Variants in ESCO2 observed in about 807,000 individuals in gnomAD.
The protein encoded by ESCO2 is N-acetyltransferase ESCO2.
ESCO2 carries 51 observed loss-of-function variants against 61.7 expected under a neutral mutation model. The ratio of observed to expected loss-of-function variants is 0.83; its 90% confidence interval spans 0.66 to 1.04. The LOEUF (loss-of-function observed/expected upper bound fraction) is 1.04, where lower values mean the gene tolerates loss of function less well. Ranked by LOEUF, ESCO2 falls within the 50% of genes least tolerant of loss-of-function variation. ESCO2 has a pLI of 0.00. For synonymous variants in ESCO2, 230 were observed against 238.2 expected (o/e 0.97, Z 0.32); for missense variants, 692 against 686.2 (o/e 1.01, Z -0.09).
chr8:27,783,237 T>C (rs1804964220), intron 4 of ESCO2, among the ~76,000 whole-genome samples: 1 of 152,214 alleles, frequency 6.6e-6, no homozygotes, highest in African/African-American at 2.4e-5. Context: ...TATATATCCT[T>C]TGGGGTCTGG....
chr8:27,772,191 A>G, upstream of ESCO2: 2 of 460,776 alleles, frequency 4.3e-6, no homozygotes, highest in South Asian at 6.1e-5. Flanking sequence ...ACTTGGGATA[A>G]GGTGTGTGGA....
At chr8:27,802,687 G>A (rs1262396286) in intron 10 of ESCO2, among the ~76,000 whole-genome samples, 11 of 114,096 alleles carry the variant, frequency 9.6e-5, no homozygotes, top group Non-Finnish European at 1.6e-4. Context: ...TACTGCTTAA[G>A]ATTGATTTTT....
chr8:27,772,647 T>G, upstream of ESCO2: 1 of 1,110,062 alleles, frequency 9.0e-7, no homozygotes, highest in South Asian at 1.5e-5. Context: ...AACTCCTCCG[T>G]GCACTTCCGG....
chr8:27,817,468 T>G (rs1805840357), downstream of ESCO2, among the ~76,000 whole-genome samples: 5 of 152,156 alleles, frequency 3.3e-5, no homozygotes. Flanking sequence ...CCTTGCAGAT[T>G]TAATGTGTTA....
At chr8:27,781,067 A>G (rs1804916341) in intron 4 of ESCO2, among the ~76,000 whole-genome samples, 1 of 152,204 alleles carries the variant, frequency 6.6e-6, no homozygotes, top group Admixed American at 6.5e-5. Flanking sequence ...GTCTAAGTCA[A>G]TTTAAAGAAA....
At chr8:27,808,525 A>T (rs929099278), downstream of ESCO2, among the ~76,000 whole-genome samples, 44 of 151,928 alleles carry the variant, frequency 2.9e-4, no homozygotes, top group East Asian at 7.4e-3. Context: ...AATAAAAAAA[A>T]AAAAATTAGC....
At chr8:27,811,222 CAAGTA>C, downstream of ESCO2, 1 of 1,103,132 alleles carries the variant, frequency 9.1e-7, no homozygotes, top group Non-Finnish European at 1.4e-6. Flanking sequence ...ACGATTTGAA[CAAGTA>C]GTTCACAGGT....
chr8:27,816,342 A>ATATATATATATAT (rs1454225542), downstream of ESCO2, among the ~76,000 whole-genome samples: 3 of 124,886 alleles, frequency 2.4e-5, no homozygotes, highest in African/African-American at 3.4e-5. Context: ...TTCATCGAAT[A>ATATATATATATAT]CTATATATAT....
At chr8:27,810,004 GTCAT>G (rs1805638390), downstream of ESCO2, 1 of 302,070 alleles carries the variant, frequency 3.3e-6, no homozygotes, top group Non-Finnish European at 6.1e-6. Flanking sequence ...AAAAGTAATG[GTCAT>G]TCAATTTAAT....
chr8:27,789,502 G>A (rs1384369213), intron 7 of ESCO2, among the ~76,000 whole-genome samples: 9 of 152,120 alleles, frequency 5.9e-5, no homozygotes, highest in African/African-American at 1.7e-4. Context: ...AGTCTAGGCC[G>A]GGTGCAGTGA....
intron 9 of ESCO2, among the ~76,000 whole-genome samples, chr8:27,796,472 T>C (rs1057313565): frequency 6.6e-6 from 1 of 152,200 alleles, no homozygotes; most frequent in Non-Finnish European, 1.5e-5. Context: ...TATTCTTCTT[T>C]TTCTAATTAT....
At chr8:27,780,702 T>C (rs1158055684) in intron 4 of ESCO2, among the ~76,000 whole-genome samples, 1 of 152,232 alleles carries the variant, frequency 6.6e-6, no homozygotes, top group Non-Finnish European at 1.5e-5. Flanking sequence ...CCATGGATTT[T>C]TGTCTAGGTT....
chr8:27,772,362 C>A (rs1482892135), upstream of ESCO2: 4 of 723,340 alleles, frequency 5.5e-6, no homozygotes, highest in Non-Finnish European at 9.5e-6. Flanking sequence ...GTGGGAGGGA[C>A]GGATGTGCTG....
chr8:27,806,652 T>C (rs1215156960), downstream of ESCO2, among the ~76,000 whole-genome samples: 3 of 151,464 alleles, frequency 2.0e-5, no homozygotes, highest in African/African-American at 7.3e-5. Flanking sequence ...GGAGTTTTGC[T>C]CTTGTTGCCC....
chr8:27,809,015 G>A (rs1805618271), downstream of ESCO2, among the ~76,000 whole-genome samples: 2 of 152,182 alleles, frequency 1.3e-5, no homozygotes, highest in African/African-American at 4.8e-5. Flanking sequence ...TCAATGAAAA[G>A]CAATGGCTTA....
chr8:27,804,422 C>A lies in ESCO2; in HGVS notation c.*984C>A. 1 of 985,282 alleles carries A rather than the reference C, an allele frequency of 1.0e-6. No homozygotes were observed. Among genetic ancestry groups the A allele is most frequent in the Non-Finnish European group, 1.2e-6 (1 of 829,908 alleles). The allele number at this position is 985,282 out of a possible 1,614,324, so 61.0% of individuals were successfully genotyped here. A position where few individuals can be genotyped will look rare whatever the true frequency, so the allele number is the denominator to read the frequency against. On this transcript the variant is annotated 3_prime_UTR_variant, in exon 11 of 11. Coordinates refer to ENST00000305188, the MANE Select transcript of ESCO2 (RefSeq NM_001017420.3). ...AATGCACCTTACTTGTTCTGAGATA[C>A]CTGGCAAAAGTCTTTACAAAATGTA...
upstream of ESCO2, chr8:27,772,640 T>G (rs1052458280): frequency 1.4e-5 from 16 of 1,177,182 alleles, no homozygotes; most frequent in Admixed American, 2.9e-4. Context: ...CCCCCGGAAC[T>G]CCTCCGTGCA....
At position 27,776,415 on chromosome 8, in the gene ESCO2, T is replaced by C; in HGVS notation, c.107T>C (p.Phe36Ser). ...LFPSPNKKHC[F>S]YQNSDKNEEN... is the part of the protein sequence containing the mutation. ...CCATCACCTAATAAAAAGCACTGTTTTTATCAAAACAGTGATAAAAATGAA... is the reference window on the plus strand; with the variant it reads ...CCATCACCTAATAAAAAGCACTGTTCTTATCAAAACAGTGATAAAAATGAA... Residue 36 changes from phenylalanine to serine, a missense_variant, in exon 3 of 11, where the codon TTT becomes TCT. Phe to Ser is a radical substitution (Grantham distance 155). Coordinates refer to ENST00000305188, the MANE Select transcript of ESCO2 (RefSeq NM_001017420.3). 1.2e-6 allele frequency: 2 copies of C among 1,608,326 alleles called. No individual in the cohort carries two copies. The highest frequency in any genetic ancestry group is 1.7e-6 in the Non-Finnish European group (2 of 1,178,098).
At chr8:27,795,044 G>A (rs1331290220) in intron 9 of ESCO2, among the ~76,000 whole-genome samples, 5 of 151,992 alleles carry the variant, frequency 3.3e-5, no homozygotes, top group African/African-American at 9.7e-5. Flanking sequence ...ACTGTTTTTT[G>A]TATTTTTGTG....
Sources: allele counts gnomAD v4.1 joint callset (sites outside exome capture counted in the v4.1 genomes callset), GRCh38; gene constraint gnomAD v4.1.1; transcripts MANE v1.5; gene names NCBI Gene and HGNC (gene_info 2026-07-23, HGNC 2026-07-21).